The following UXS1 variants were observed in gnomAD, a reference collection of about 807,000 sequenced individuals.
The protein encoded by UXS1 is UDP-glucuronic acid decarboxylase 1.
In UXS1, 33 loss-of-function variants were observed where a neutral mutation model predicts 62.6. The observed-to-expected ratio is 0.53, with a 90% CI of 0.40 to 0.70. UXS1 has a LOEUF of 0.70. UXS1 is among the 30% of genes least tolerant of loss of function. The pLI is 0.00. For missense variants in UXS1, 434 were observed against 556.3 expected (o/e 0.78, Z 2.21); for synonymous variants, 213 against 206.8 (o/e 1.03, Z -0.26).
chr2:106,141,046 G>A (rs896693532), intron 6 of UXS1, among the ~76,000 whole-genome samples: 1 of 152,170 alleles, frequency 6.6e-6, no homozygotes, highest in African/African-American at 2.4e-5. Context: ...GTTTATGATG[G>A]CCCCAAACTG....
rs189183011 is a variant in UXS1, at chr2:106,094,408, G to A, written c.1147-251C>T. ...GCTGACAAGTGTCACTCTTACTGAC[G>A]TAAAGTGAGCTCCACCTCACAAAAG... On this transcript the variant is annotated intron_variant, in intron 14 of 14. Transcript: ENST00000283148. 2.3e-3 allele frequency among the ~76,000 whole-genome samples: 349 copies of A among 152,012 alleles called. 1 individual carries two copies. The highest frequency in any genetic ancestry group is 7.5e-3 in the African/African-American group (310 of 41,470).
rs192561463 is a variant in UXS1, at chr2:106,126,363, G to A, written c.578-684C>T. On this transcript the variant is annotated intron_variant, in intron 7 of 14. Transcript: ENST00000283148. ...ACAGGATCCAAGAACCCCCCTGACC[G>A]TCACTAACCCTGTACTTAAGACAGG... Among the ~76,000 whole-genome samples, 7 of 149,970 alleles carry A rather than the reference G, an allele frequency of 4.7e-5. 1 individual carries two copies. Among genetic ancestry groups the A allele is most frequent in the East Asian group, 2.0e-4 (1 of 5,086 alleles).
At chr2:106,116,971 A>G (rs947787285) in intron 9 of UXS1, among the ~76,000 whole-genome samples, 7 of 152,202 alleles carry the variant, frequency 4.6e-5, no homozygotes, top group Admixed American at 1.3e-4. Context: ...CAGGTCCCCA[A>G]ATAATATCAT....
intron 1 of UXS1, among the ~76,000 whole-genome samples, chr2:106,185,575 G>A (rs748441274): frequency 1.3e-5 from 2 of 152,174 alleles, no homozygotes; most frequent in South Asian, 2.1e-4. Context: ...AAGAAGCTAC[G>A]GGTCCACAGT....
Position 106,122,985 on chromosome 2 carries a change from A to G in UXS1, c.744T>C (p.Tyr248=), listed in dbSNP as rs1558697803. 3 of 1,613,916 alleles carry G rather than the reference A, an allele frequency of 1.9e-6. No individual in the cohort carries two copies. The highest frequency in any genetic ancestry group is 2.5e-6 in the Non-Finnish European group (3 of 1,179,834). ...GGTGAAATACCTGCTTCATGTAGGC[A>G]TAGCACATGGTCTCTGCAACACGTT... ...EGKRVAETMC[Y]AYMKQEGVEV... Residue 248 remains tyrosine, a synonymous_variant, in exon 9 of 15, where the codon TAT becomes TAC. Transcript: ENST00000283148.
chr2:106,192,910 A>C (rs757819108), intron 1 of UXS1, among the ~76,000 whole-genome samples: 51 of 152,224 alleles, frequency 3.4e-4, no homozygotes, highest in Non-Finnish European at 5.9e-4. Flanking sequence ...TATTACTGCC[A>C]TAATAATAGT....
intron 9 of UXS1, among the ~76,000 whole-genome samples, chr2:106,120,908 T>C (rs1679470648): frequency 1.3e-5 from 2 of 152,206 alleles, no homozygotes; most frequent in African/African-American, 4.8e-5. Context: ...GATGCTACCT[T>C]GAGCAGGAGG....
At chr2:106,122,433 A>G (rs1679597627) in intron 9 of UXS1, among the ~76,000 whole-genome samples, 1 of 152,250 alleles carries the variant, frequency 6.6e-6, no homozygotes, top group Non-Finnish European at 1.5e-5. Context: ...CAGCACAGCC[A>G]GTGTGGCAAC....
At chr2:106,099,057 T>C (rs558553673) in intron 12 of UXS1, among the ~76,000 whole-genome samples, 2 of 152,334 alleles carry the variant, frequency 1.3e-5, no homozygotes, top group South Asian at 2.1e-4. Context: ...ACTCACTGAG[T>C]ATCAGACAAT....
chr2:106,151,808 A>C (rs1031456490), intron 5 of UXS1, among the ~76,000 whole-genome samples: 5 of 152,258 alleles, frequency 3.3e-5, no homozygotes, highest in Non-Finnish European at 7.3e-5. Context: ...TACAAGTATT[A>C]ACAGACTTCA....
intron 1 of UXS1, among the ~76,000 whole-genome samples, chr2:106,187,312 G>C (rs1283355096): frequency 7.2e-5 from 11 of 152,064 alleles, no homozygotes; most frequent in Admixed American, 2.0e-4. Flanking sequence ...TCTCACGCTC[G>C]GGTCAGCCTG....
At chr2:106,114,399 A>C (rs1678897079) in intron 9 of UXS1, among the ~76,000 whole-genome samples, 1 of 152,232 alleles carries the variant, frequency 6.6e-6, no homozygotes, top group Non-Finnish European at 1.5e-5. Flanking sequence ...GTGTATTAAA[A>C]AGGGTGGGGA....
At chr2:106,153,007 A>C (rs1414237110) in intron 5 of UXS1, among the ~76,000 whole-genome samples, 5 of 152,222 alleles carry the variant, frequency 3.3e-5, no homozygotes, top group Admixed American at 3.3e-4. Context: ...AGCTCTCCCT[A>C]AAGGGAGTTG....
chr2:106,102,922 C>G (rs934558990), intron 11 of UXS1: 1 of 152,204 alleles, frequency 6.6e-6, no homozygotes, highest in Non-Finnish European at 1.5e-5. Context: ...AGAGGATCAC[C>G]AGAGTGGGGA....
chr2:106,194,135 G>A lies in UXS1; in HGVS notation c.94+13C>T, dbSNP rs1382247747. On this transcript the variant is annotated intron_variant, in intron 1 of 14. Coordinates refer to ENST00000283148, the MANE Select transcript of UXS1 (RefSeq NM_001253875.2). Reference sequence around the variant, plus strand: ...GAATGGGGCTCCCCAGCTGGCAGCGGGCGCGCACTCACAGGCGACGTAGGC... The same window carrying A: ...GAATGGGGCTCCCCAGCTGGCAGCGAGCGCGCACTCACAGGCGACGTAGGC... 289 of 1,469,888 alleles carry A rather than the reference G, an allele frequency of 2.0e-4. 1 individual carries two copies. Among genetic ancestry groups the A allele is most frequent in the Non-Finnish European group, 2.5e-4 (282 of 1,109,022 alleles). The allele number at this position is 1,469,888 out of a possible 1,614,324, so 91.1% of individuals were successfully genotyped here.
chr2:106,118,261 C>A (rs1488581002), intron 9 of UXS1, among the ~76,000 whole-genome samples: 1 of 151,786 alleles, frequency 6.6e-6, no homozygotes, highest in African/African-American at 2.4e-5. Flanking sequence ...AATATATATA[C>A]CAACTCCGAC....
At chr2:106,098,501 A>T (rs1677312619) in intron 13 of UXS1, among the ~76,000 whole-genome samples, 1 of 152,224 alleles carries the variant, frequency 6.6e-6, no homozygotes, top group African/African-American at 2.4e-5. Context: ...CACTTCATGC[A>T]AACCTGCAAC....
chr2:106,172,327 C>T (rs1287762215), intron 1 of UXS1, among the ~76,000 whole-genome samples: 2 of 152,270 alleles, frequency 1.3e-5, no homozygotes, highest in South Asian at 2.1e-4. Flanking sequence ...AGGACTTACC[C>T]CTTTATTGAG....
At position 106,175,566 on chromosome 2, in the gene UXS1, C is replaced by T. The variant is rs186985505; in HGVS notation, c.95-9483G>A. Among the ~76,000 whole-genome samples the T allele has an allele frequency of 6.6e-5, 10 of 152,252 alleles. No homozygotes were observed. The South Asian group carries it at 1.5e-3, about 22-fold the overall frequency. On this transcript the variant is annotated intron_variant, in intron 1 of 14. Transcript: ENST00000283148. ...AGAGCAAAAGATACACTATATGATG[C>T]CTTTAGATGGTCACAGATGGCCGCC...
Sources: allele counts gnomAD v4.1 joint callset (sites outside exome capture counted in the v4.1 genomes callset), GRCh38; gene constraint gnomAD v4.1.1; transcripts MANE v1.5; gene names NCBI Gene and HGNC (gene_info 2026-07-23, HGNC 2026-07-21).